Variants in RFX2 observed in about 807,000 individuals in gnomAD.
RFX2 encodes DNA-binding protein RFX2.
RFX2 carries 20 observed loss-of-function variants against 87.8 expected under a neutral mutation model. The observed-to-expected ratio is 0.23, with a 90% confidence interval of 0.16 to 0.33. The LOEUF (loss-of-function observed/expected upper bound fraction) is 0.33, where lower values mean the gene tolerates loss of function less well. Among genes scored for constraint, RFX2 ranks in the 10% least tolerant of loss-of-function variants. The pLI is 1.00. For missense variants in RFX2, 767 were observed against 1,012.3 expected (o/e 0.76, Z 3.29); for synonymous variants, 397 against 431.3 (o/e 0.92, Z 0.98).
At chr19:5,996,985 G>A in intron 16 of RFX2, 75 bp downstream of exon 16, 1 of 1,466,702 alleles carries the variant, frequency 6.8e-7, no homozygotes, top group Non-Finnish European at 9.2e-7. Flanking sequence ...CCTCTCTCTG[G>A]GCTGCTCAGA....
Position 5,993,524 on chromosome 19 carries a change from A to G in RFX2, c.*1311T>C, listed in dbSNP as rs1475597100. 1 of 152,258 alleles carries G rather than the reference A, an allele frequency of 6.6e-6. No homozygotes were observed. The highest frequency in any genetic ancestry group is 1.5e-5 in the Non-Finnish European group (1 of 68,044). The allele number at this position is 152,258 out of a possible 1,614,324, so 9.4% of individuals were successfully genotyped here. A position where few individuals can be genotyped will look rare whatever the true frequency, so the allele number is the denominator to read the frequency against. ...AACATTTGGGACTGAATATACTGCAATGTACACATTCATAAGAAACGTTCT... is the reference window on the plus strand; with the variant it reads ...AACATTTGGGACTGAATATACTGCAGTGTACACATTCATAAGAAACGTTCT... On this transcript the variant is annotated 3_prime_UTR_variant, in exon 18 of 18. Coordinates refer to ENST00000303657, the MANE Select transcript of RFX2 (RefSeq NM_000635.4).
intron 1 of RFX2, among the ~76,000 whole-genome samples, chr19:6,107,499 C>A (rs1293047451): frequency 1.3e-5 from 2 of 151,330 alleles, no homozygotes; most frequent in Non-Finnish European, 2.9e-5. Flanking sequence ...TGCCTGTAAT[C>A]CCAGCTATTC....
chr19:6,047,301 C>T lies in RFX2; in HGVS notation c.90+106G>A, dbSNP rs1285043693. The T allele has an allele frequency of 8.0e-6, 7 of 877,494 alleles. No homozygotes were observed. The highest frequency in any genetic ancestry group is 3.3e-5 in the Admixed American group (1 of 29,940). The allele number at this position is 877,494 out of a possible 1,614,324, so 54.4% of individuals were successfully genotyped here. A position where few individuals can be genotyped will look rare whatever the true frequency, so the allele number is the denominator to read the frequency against. On this transcript the variant is annotated intron_variant, in intron 2 of 17. Coordinates refer to ENST00000303657, the MANE Select transcript of RFX2 (RefSeq NM_000635.4). The surrounding 1 kb of genome is among the most constrained non-coding windows in gnomAD (Gnocchi z 4.2). ...CAGCACTGGGACTGAGAAGTCCATT[C>T]AGAAAAATACAGATTCCTCTCTTTG...
At position 5,993,462 on chromosome 19, in the gene RFX2, G is replaced by A. The variant is rs2086362823; in HGVS notation, c.*1373C>T. On this transcript the variant is annotated 3_prime_UTR_variant, in exon 18 of 18. Coordinates refer to ENST00000303657, the MANE Select transcript of RFX2 (RefSeq NM_000635.4). ...GGAAGTAGGTTTTTAAAGGCCACGT[G>A]AGCTGACATTAGTACCTTCTGTGTG... 6.6e-6 allele frequency: 1 copy of A among 152,210 alleles called. No individual in the cohort carries two copies. Among genetic ancestry groups the A allele is most frequent in the South Asian group, 2.1e-4 (1 of 4,824 alleles). The allele number at this position is 152,210 out of a possible 1,614,324, so 9.4% of individuals were successfully genotyped here.
At position 6,063,487 on chromosome 19, in the gene RFX2, G is replaced by A. The variant is rs756457142; in HGVS notation, c.-8-15983C>T. 2.0e-4 allele frequency among the ~76,000 whole-genome samples: 31 copies of A among 152,190 alleles called. No individual in the cohort carries two copies. Among genetic ancestry groups the A allele is most frequent in the Non-Finnish European group, 3.4e-4 (23 of 68,020 alleles). On this transcript the variant is annotated intron_variant, in intron 1 of 17. Coordinates refer to ENST00000303657, the MANE Select transcript of RFX2 (RefSeq NM_000635.4). This position sits in a 1 kb window ranked among gnomAD's most constrained non-coding sequence, Gnocchi z 4.0. The stretch of plus-strand genomic sequence containing the variant: ...GGGGTCCATGCACCTGCCAGGGTGG[G>A]GATGGACAAGACCCCTCCAGCAGGG...
In RFX2 at chr19:6,026,844, G is replaced by C. The variant is rs1252655511; in HGVS notation, c.523-607C>G. On this transcript the variant is annotated intron_variant, in intron 5 of 17. Transcript: ENST00000303657. This position sits in a 1 kb window ranked among gnomAD's most constrained non-coding sequence, Gnocchi z 4.5. ...TACCCAGTGGGAGCTGTGCGAAGAA[G>C]ATTTTTGGAAAAGAGAAAAGAGTTT... The C allele has an allele frequency of 6.6e-6, 1 of 152,572 alleles. No individual in the cohort carries two copies. Among genetic ancestry groups the C allele is most frequent in the Non-Finnish European group, 1.5e-5 (1 of 68,340 alleles). 9.5% of individuals were successfully genotyped at this position (152,572 alleles called of 1,614,324 possible). A position where few individuals can be genotyped will look rare whatever the true frequency, so the allele number is the denominator to read the frequency against.
chr19:6,036,736 C>T (rs1383086437), intron 5 of RFX2, among the ~76,000 whole-genome samples: 3 of 152,118 alleles, frequency 2.0e-5, no homozygotes, highest in Non-Finnish European at 4.4e-5. Flanking sequence ...GGAACTTCCT[C>T]AACCTGAAAA....
At chr19:6,014,346 C>T (rs2086697187) in intron 7 of RFX2, among the ~76,000 whole-genome samples, 1 of 152,180 alleles carries the variant, frequency 6.6e-6, no homozygotes, top group Non-Finnish European at 1.5e-5. Context: ...AGAAATTCTC[C>T]AGCCTCAGCC....
In RFX2 at chr19:6,074,204, G is replaced by A. The variant is rs1252850803; in HGVS notation, c.-8-26700C>T. 6.6e-6 allele frequency among the ~76,000 whole-genome samples: 1 copy of A among 152,178 alleles called. No homozygotes were observed. Among genetic ancestry groups the A allele is most frequent in the Non-Finnish European group, 1.5e-5 (1 of 68,036 alleles). On this transcript the variant is annotated intron_variant, in intron 1 of 17. Transcript: ENST00000303657. The surrounding 1 kb of genome is among the most constrained non-coding windows in gnomAD (Gnocchi z 5.2). ...AGCCGGGGTTTTGTAGCAGGGGTGG[G>A]GGTGCGGTACAGGAACAGATCTGGA...
intron 1 of RFX2, chr19:6,076,983 T>G (rs999515639): frequency 2.6e-5 from 4 of 152,238 alleles, no homozygotes; most frequent in African/African-American, 9.6e-5. Flanking sequence ...AGAAATGATA[T>G]TTTAACATCA....
intron 5 of RFX2, among the ~76,000 whole-genome samples, chr19:6,036,121 G>A (rs1204745445): frequency 6.6e-6 from 1 of 152,184 alleles, no homozygotes; most frequent in Admixed American, 6.5e-5. Context: ...TAAGTCAAAT[G>A]TGCCACATTC....
chr19:5,994,749 TAA>T lies in RFX2; in HGVS notation c.*84_*85del. The T allele has an allele frequency of 1.2e-6, 1 of 850,458 alleles. No homozygotes were observed. Among genetic ancestry groups the T allele is most frequent in the Non-Finnish European group, 1.9e-6 (1 of 524,902 alleles). The allele number at this position is 850,458 out of a possible 1,614,324, so 52.7% of individuals were successfully genotyped here. ...AAACATCACATCATCTAAGAGGCAC[TAA>T]TTTGGTGGAGCCGGTGAAATCCAGG... On this transcript the variant is annotated 3_prime_UTR_variant, in exon 18 of 18. Coordinates refer to ENST00000303657, the MANE Select transcript of RFX2 (RefSeq NM_000635.4).
At chr19:6,097,961 C>CT (rs1334156567) in intron 1 of RFX2, among the ~76,000 whole-genome samples, 1 of 152,120 alleles carries the variant, frequency 6.6e-6, no homozygotes, top group Non-Finnish European at 1.5e-5. Context: ...CTGAGGGCTG[C>CT]TTTTTTTGCC....
intron 6 of RFX2, among the ~76,000 whole-genome samples, chr19:6,019,014 C>T (rs1483667532): frequency 6.6e-6 from 1 of 152,188 alleles, no homozygotes; most frequent in East Asian, 1.9e-4. Flanking sequence ...CAAAGTCTGC[C>T]TCCTGCCGCC....
chr19:6,081,013 G>C (rs981929023), intron 1 of RFX2, among the ~76,000 whole-genome samples: 4 of 145,034 alleles, frequency 2.8e-5, no homozygotes, highest in African/African-American at 1.0e-4. Flanking sequence ...ACCAGCCTGG[G>C]CAACAGAACA....
In RFX2 at chr19:6,017,883, G is replaced by A. The variant is rs1315089937; in HGVS notation, c.598-1612C>T. Among the ~76,000 whole-genome samples, 3 of 100,584 alleles carry A rather than the reference G, an allele frequency of 3.0e-5. No homozygotes were observed. Among genetic ancestry groups the A allele is most frequent in the Non-Finnish European group, 6.2e-5 (3 of 48,206 alleles). 66.0% of individuals were successfully genotyped at this position (100,584 alleles called of 152,430 possible). The stretch of plus-strand genomic sequence containing the variant: ...CACAGCGTACCCATGGCACCCCCCC[G>A]CCCCACTGTCACGTTTGCCTGTCTG... On this transcript the variant is annotated intron_variant, in intron 6 of 17. Coordinates refer to ENST00000303657, the MANE Select transcript of RFX2 (RefSeq NM_000635.4). The surrounding 1 kb of genome is among the most constrained non-coding windows in gnomAD (Gnocchi z 4.1).
At chr19:6,088,082 A>T (rs1319146404) in intron 1 of RFX2, among the ~76,000 whole-genome samples, 1 of 152,158 alleles carries the variant, frequency 6.6e-6, no homozygotes, top group Non-Finnish European at 1.5e-5. Context: ...AGACGAGAAC[A>T]AAGAGGAAGC....
chr19:6,003,557 G>A (rs906754446), intron 13 of RFX2, among the ~76,000 whole-genome samples: 32 of 151,862 alleles, frequency 2.1e-4, no homozygotes, highest in African/African-American at 7.0e-4. Context: ...CAGGTGGATC[G>A]CCTGAGGTCA....
At chr19:6,038,145 G>A (rs1237590685) in intron 5 of RFX2, among the ~76,000 whole-genome samples, 3 of 151,846 alleles carry the variant, frequency 2.0e-5, no homozygotes, top group Non-Finnish European at 2.9e-5. Flanking sequence ...TGGCCAACAT[G>A]GTAAAACCCT....
Sources: allele counts gnomAD v4.1 joint callset (sites outside exome capture counted in the v4.1 genomes callset), GRCh38; gene constraint gnomAD v4.1.1; non-coding constraint Gnocchi (gnomAD v3.1); transcripts MANE v1.5; gene names NCBI Gene and HGNC (gene_info 2026-07-23, HGNC 2026-07-21).